The following AKAP19 variants were observed in gnomAD, a reference collection of about 807,000 sequenced individuals.
AKAP19 encodes A-kinase anchoring protein 19.
the AKAP19 span, among the ~76,000 whole-genome samples, chr2:189,885,716 A>T: frequency 6.6e-6 from 1 of 152,214 alleles, no homozygotes; most frequent in African/African-American, 2.4e-5. Context: ...AATTCATCTG[A>T]CGTTTTCTAC....
the AKAP19 span, among the ~76,000 whole-genome samples, chr2:190,172,914 A>C: frequency 6.6e-6 from 1 of 152,112 alleles, no homozygotes; most frequent in African/African-American, 2.4e-5. Flanking sequence ...GGAGTTGGAA[A>C]CCAGCCTGCC....
the AKAP19 span, among the ~76,000 whole-genome samples, chr2:189,910,262 A>G: frequency 1.3e-5 from 2 of 152,230 alleles, no homozygotes; most frequent in East Asian, 3.9e-4. Flanking sequence ...GAAATCTTGT[A>G]GAACAGGATA....
chr2:190,163,509 C>A, the AKAP19 span, among the ~76,000 whole-genome samples: 1 of 151,162 alleles, frequency 6.6e-6, no homozygotes, highest in East Asian at 1.9e-4. Context: ...GAGGTCTTAG[C>A]CTGAAATTCA....
chr2:189,976,498 CA>C, the AKAP19 span, among the ~76,000 whole-genome samples: 1 of 152,212 alleles, frequency 6.6e-6, no homozygotes, highest in Non-Finnish European at 1.5e-5. Context: ...CTACTCTCTT[CA>C]AAGCTGTCAG....
the AKAP19 span, among the ~76,000 whole-genome samples, chr2:189,932,504 T>C: frequency 6.6e-6 from 1 of 152,024 alleles, no homozygotes; most frequent in Admixed American, 6.6e-5. Flanking sequence ...ATACCACATT[T>C]ATTAGTTGGA....
At chr2:190,072,420 TA>T in the AKAP19 span, among the ~76,000 whole-genome samples, 11 of 151,520 alleles carry the variant, frequency 7.3e-5, no homozygotes, top group African/African-American at 1.5e-4. Flanking sequence ...AAAGTTGAAA[TA>T]AAAAAAATAA....
chr2:190,067,380 T>C, the AKAP19 span, among the ~76,000 whole-genome samples: 2 of 152,304 alleles, frequency 1.3e-5, no homozygotes, highest in Admixed American at 1.3e-4. Flanking sequence ...ATGCCCAAAG[T>C]AGTACTTTTT....
chr2:190,049,084 T>C, the AKAP19 span, among the ~76,000 whole-genome samples: 1 of 152,056 alleles, frequency 6.6e-6, no homozygotes, highest in Non-Finnish European at 1.5e-5. Context: ...TATTTTTAAA[T>C]TCTGCATTAA....
the AKAP19 span, among the ~76,000 whole-genome samples, chr2:189,904,095 A>G: frequency 1.3e-5 from 2 of 152,108 alleles, no homozygotes; most frequent in African/African-American, 4.8e-5. Context: ...ATTTATGTAC[A>G]ACTTTTAATA....
chr2:189,999,192 T>C, the AKAP19 span, among the ~76,000 whole-genome samples: 18 of 152,266 alleles, frequency 1.2e-4, no homozygotes, highest in South Asian at 2.1e-4. Flanking sequence ...GGATTTGAGA[T>C]GTTTCTTTAT....
chr2:190,008,366 T>C, the AKAP19 span, among the ~76,000 whole-genome samples: 1 of 152,172 alleles, frequency 6.6e-6, no homozygotes, highest in East Asian at 1.9e-4. Context: ...TCTTATACCA[T>C]TTAATTTATC....
chr2:189,906,856 G>C, the AKAP19 span, among the ~76,000 whole-genome samples: 1 of 152,050 alleles, frequency 6.6e-6, no homozygotes, highest in Non-Finnish European at 1.5e-5. Context: ...TACCTCTTAT[G>C]AGAATTTTAA....
chr2:189,922,967 C>T, the AKAP19 span, among the ~76,000 whole-genome samples: 3 of 151,976 alleles, frequency 2.0e-5, no homozygotes, highest in African/African-American at 7.2e-5. Flanking sequence ...CTGGACAACA[C>T]GTTGAAACCT....
At chr2:190,175,944 C>T in the AKAP19 span, among the ~76,000 whole-genome samples, 1 of 152,188 alleles carries the variant, frequency 6.6e-6, no homozygotes, top group East Asian at 1.9e-4. Flanking sequence ...TTAAACGAGG[C>T]TTCTTGTGGC....
At chr2:190,157,961 A>G in the AKAP19 span, among the ~76,000 whole-genome samples, 144,472 of 152,280 alleles carry the variant, frequency 0.95, 69,008 homozygotes, top group East Asian at 1. Flanking sequence ...GCCCAAAATC[A>G]GACCTGGGCC....
the AKAP19 span, among the ~76,000 whole-genome samples, chr2:190,161,141 A>G: frequency 2.0e-5 from 3 of 152,180 alleles, no homozygotes; most frequent in Non-Finnish European, 2.9e-5. Context: ...TAAAATATAC[A>G]TAGTGGAAAG....
At chr2:190,060,293 T>A in the AKAP19 span, 7 of 1,613,030 alleles carry the variant, frequency 4.3e-6, no homozygotes, top group African/African-American at 9.4e-5. Flanking sequence ...GTCTCAGGAT[T>A]TGCACAAACA....
chr2:189,994,989 G>A, the AKAP19 span, among the ~76,000 whole-genome samples: 3 of 152,176 alleles, frequency 2.0e-5, no homozygotes, highest in African/African-American at 4.8e-5. Context: ...TGGTCTGAAA[G>A]GGTAGTTGAT....
the AKAP19 span, among the ~76,000 whole-genome samples, chr2:189,957,961 TTTTTGTA>T: frequency 6.6e-6 from 1 of 152,012 alleles, no homozygotes; most frequent in Non-Finnish European, 1.5e-5. Flanking sequence ...ACCTGGCTAA[TTTTTGTA>T]TTTTCAGTAG....
Sources: allele counts gnomAD v4.1 joint callset (sites outside exome capture counted in the v4.1 genomes callset), GRCh38; gene constraint gnomAD v4.1.1; transcripts MANE v1.5; gene names NCBI Gene and HGNC (gene_info 2026-07-23, HGNC 2026-07-21).